PPM1B: variants seen among roughly 807,000 people sequenced by gnomAD.
PPM1B encodes the protein protein phosphatase, Mg2+/Mn2+ dependent 1B.
Under a neutral mutation model 43.0 loss-of-function variants are expected in PPM1B, and 22 were observed. That is an observed-to-expected ratio of 0.51 (90% CI 0.37 to 0.73). PPM1B has a LOEUF of 0.73. Ranked by LOEUF, PPM1B falls within the 30% of genes least tolerant of loss-of-function variation. The pLI, the probability that PPM1B is intolerant of heterozygous loss-of-function variation, is 0.00. For synonymous variants in PPM1B, 217 were observed against 197.9 expected, an observed-to-expected ratio of 1.10 and a Z score of -0.81; for missense variants, 632 against 584.2, an observed-to-expected ratio of 1.08 and a Z score of -0.84.
chr2:44,232,189 A>T (rs537854068), downstream of PPM1B: 2 of 1,384,168 alleles, frequency 1.4e-6, no homozygotes, highest in South Asian at 2.8e-5. Context: ...ATCTCTCTGT[A>T]AAAGTACCCT....
At chr2:44,194,638 G>T (rs1382022880) in intron 1 of PPM1B, among the ~76,000 whole-genome samples, 1 of 152,008 alleles carries the variant, frequency 6.6e-6, no homozygotes, top group Non-Finnish European at 1.5e-5. Flanking sequence ...CAGGAGAATG[G>T]TGTGAACCTG....
At chr2:44,176,473 CTATATATT>C (rs1321600520) in intron 1 of PPM1B, among the ~76,000 whole-genome samples, 1 of 152,140 alleles carries the variant, frequency 6.6e-6, no homozygotes, top group African/African-American at 2.4e-5. Context: ...ACAACTTGGT[CTATATATT>C]TATCACTGCT....
chr2:44,195,638 C>G (rs2104098303), intron 1 of PPM1B, among the ~76,000 whole-genome samples: 1 of 152,320 alleles, frequency 6.6e-6, no homozygotes, highest in East Asian at 1.9e-4. Flanking sequence ...GATTGTACCA[C>G]TGCACTCCAA....
intron 2 of PPM1B, among the ~76,000 whole-genome samples, chr2:44,203,041 A>G (rs1002579595): frequency 1.3e-5 from 2 of 152,116 alleles, no homozygotes; most frequent in Non-Finnish European, 2.9e-5. Flanking sequence ...GTATCTCCCT[A>G]CTCCAAAATG....
At chr2:44,246,278 C>G (rs538262581), downstream of PPM1B, among the ~76,000 whole-genome samples, 2 of 152,316 alleles carry the variant, frequency 1.3e-5, no homozygotes, top group South Asian at 4.1e-4. Flanking sequence ...CTGCATGATA[C>G]TGTTTGAGTC....
chr2:44,177,204 G>T (rs1393113770), intron 1 of PPM1B, among the ~76,000 whole-genome samples: 1 of 152,080 alleles, frequency 6.6e-6, no homozygotes, highest in East Asian at 1.9e-4. Flanking sequence ...TCATTAAGTT[G>T]TTCAACATTT....
chr2:44,217,284 A>G (rs1669765995), intron 3 of PPM1B, among the ~76,000 whole-genome samples: 1 of 151,880 alleles, frequency 6.6e-6, no homozygotes, highest in Non-Finnish European at 1.5e-5. Context: ...CTGTAATCCC[A>G]GCTACTCGGG....
chr2:44,188,294 T>A (rs1668223803), intron 1 of PPM1B, among the ~76,000 whole-genome samples: 1 of 152,208 alleles, frequency 6.6e-6, no homozygotes, highest in Non-Finnish European at 1.5e-5. Flanking sequence ...GATTCTGATT[T>A]CTGATTTAAA....
intron 3 of PPM1B, among the ~76,000 whole-genome samples, chr2:44,209,585 T>A (rs1284076658): frequency 6.6e-6 from 1 of 152,134 alleles, no homozygotes; most frequent in Non-Finnish European, 1.5e-5. Context: ...GACACCATCC[T>A]GGCTACACGG....
downstream of PPM1B, chr2:44,233,802 T>C (rs1464318230): frequency 6.1e-6 from 6 of 985,410 alleles, no homozygotes; most frequent in Non-Finnish European, 7.2e-6. Context: ...TGCCACAATA[T>C]ATTTTATTTA....
chr2:44,233,051 T>A (rs1192054138), downstream of PPM1B: 3 of 981,908 alleles, frequency 3.1e-6, no homozygotes, highest in African/African-American at 1.8e-5. Flanking sequence ...ATGGATTAAT[T>A]TATGGCTATT....
rs762235804 is a variant in PPM1B at position 44,230,736 on chromosome 2, A to G, written c.*18A>G. ...AAATATGACTTTCCTTTTTGGTAAT[A>G]TTTTTGTGATCTTTGATGGTTTTTA... On this transcript the variant is annotated 3_prime_UTR_variant, in exon 6 of 6. Transcript: ENST00000282412. 4.4e-6 allele frequency: 7 copies of G among 1,597,824 alleles called. No individual in the cohort carries two copies. In the Admixed American group the frequency reaches 8.5e-5, roughly 19 times the overall value.
Position 44,186,575 on chromosome 2 carries a change from A to G in PPM1B, c.-14-14611A>G, listed in dbSNP as rs146951771. Among the ~76,000 whole-genome samples, 669 of 151,828 alleles carry G rather than the reference A, an allele frequency of 4.4e-3. 4 individuals carry two copies. The highest frequency in any genetic ancestry group is 0.015 in the African/African-American group (633 of 41,398). ...TTTTTTATAGAGACAGGGTCTCACT[A>G]TGTTGCCCAGGCTGGTCTCAAACTG... On this transcript the variant is annotated intron_variant, in intron 1 of 5. Transcript: ENST00000282412.
chr2:44,222,986 A>T (rs1482312418), intron 5 of PPM1B, among the ~76,000 whole-genome samples: 1 of 151,938 alleles, frequency 6.6e-6, no homozygotes, highest in African/African-American at 2.4e-5. Flanking sequence ...ACACAGCACC[A>T]CACTCGGCTA....
intron 1 of PPM1B, among the ~76,000 whole-genome samples, chr2:44,198,997 G>C (rs1488797012): frequency 6.6e-6 from 1 of 152,172 alleles, no homozygotes; most frequent in African/African-American, 2.4e-5. Context: ...GGTGGCTCAT[G>C]CCTGTGATCC....
rs139541400 is a variant in PPM1B at position 44,230,419 on chromosome 2, G to A, written c.1141G>A (p.Asp381Asn). The A allele has an allele frequency of 3.3e-3, 5,317 of 1,613,530 alleles. 11 individuals are homozygous for A. Among genetic ancestry groups the A allele is most frequent in the Non-Finnish European group, 4.0e-3 (4,664 of 1,179,634 alleles). The stretch of plus-strand genomic sequence containing the variant: ...TCTTGAATCTTAAAAAAAGGCCTCC[G>A]ATGAAGCAGAGGAAAGTGGATCACA... ...NPHRESDGAS[D>N]EAEESGSQGK... is the part of the protein sequence containing the mutation. The change falls in exon 6 of 6, where the codon GAT becomes AAT. Residue 381 changes from aspartate to asparagine, a missense_variant. This residue lies in a region of PPM1B where 392 missense variants were observed against 302.7 expected (regional missense o/e 1.29). Transcript: ENST00000282412.
chr2:44,231,907 T>A (rs866603866), downstream of PPM1B, among the ~76,000 whole-genome samples: 25 of 152,354 alleles, frequency 1.6e-4, no homozygotes, highest in Middle Eastern at 6.8e-3. Flanking sequence ...AAATATTTTT[T>A]AAAAATTATT....
At position 44,193,941 on chromosome 2, in the gene PPM1B, T is replaced by C. The variant is rs1385999481; in HGVS notation, c.-14-7245T>C. ...GTTGTCCAGGCTGGTCTCGAGCTAC[T>C]GGCCTCAAGCAATCCTCCTACCTTG... On this transcript the variant is annotated intron_variant, in intron 1 of 5. Transcript: ENST00000282412. 2.6e-5 allele frequency among the ~76,000 whole-genome samples: 4 copies of C among 152,168 alleles called. No individual in the cohort carries two copies. The East Asian group carries it at 7.7e-4, about 29-fold the overall frequency.
At position 44,209,456 on chromosome 2, in the gene PPM1B, A is replaced by G. The variant is rs545274933; in HGVS notation, c.964+129A>G. The G allele has an allele frequency of 1.9e-3, 1,962 of 1,048,362 alleles. 6 individuals carry two copies. Among genetic ancestry groups the G allele is most frequent in the Non-Finnish European group, 2.4e-3 (1,822 of 749,198 alleles). The allele number at this position is 1,048,362 out of a possible 1,614,324, so 64.9% of individuals were successfully genotyped here. On this transcript the variant is annotated intron_variant, in intron 3 of 5. Coordinates refer to ENST00000282412, the MANE Select transcript of PPM1B (RefSeq NM_002706.6). ...CAAAAAAAAAAAAATTTAGAGAGGG[A>G]AAGTATTCTTTTTGTTTATCAAATG...
Sources: allele counts gnomAD v4.1 joint callset (sites outside exome capture counted in the v4.1 genomes callset), GRCh38; gene constraint gnomAD v4.1.1; regional missense constraint gnomAD v4.1.1; transcripts MANE v1.5; gene names NCBI Gene and HGNC (gene_info 2026-07-23, HGNC 2026-07-21).